CADPS2: variants seen among roughly 807,000 people sequenced by gnomAD.
CADPS2 encodes the protein calcium dependent secretion activator 2.
CADPS2 carries 93 observed loss-of-function variants against 172.5 expected under a neutral mutation model. That is an observed-to-expected ratio of 0.54 (90% CI 0.46 to 0.64). The LOEUF (loss-of-function observed/expected upper bound fraction) is 0.64, where lower values mean the gene tolerates loss of function less well. Ranked by LOEUF, CADPS2 falls within the 30% of genes least tolerant of loss-of-function variation. The pLI, the probability that CADPS2 is intolerant of heterozygous loss-of-function variation, is 0.00. For synonymous variants in CADPS2, 546 were observed against 555.2 expected, an observed-to-expected ratio of 0.98 and a Z score of 0.23; for missense variants, 1,420 against 1,565.9, an observed-to-expected ratio of 0.91 and a Z score of 1.57.
intron 1 of CADPS2, among the ~76,000 whole-genome samples, chr7:122,857,446 T>C (rs1435942672): frequency 6.6e-6 from 1 of 152,166 alleles, no homozygotes; most frequent in Non-Finnish European, 1.5e-5. Flanking sequence ...GATGGTAACT[T>C]GCTATACCAG....
At chr7:122,698,110 C>A in intron 2 of CADPS2, 1 of 1,613,910 alleles carries the variant, frequency 6.2e-7, no homozygotes, top group Non-Finnish European at 8.5e-7. Flanking sequence ...AGTCAGAATA[C>A]GAACTATGTC....
intron 2 of CADPS2, among the ~76,000 whole-genome samples, chr7:122,711,105 T>A (rs913063856): frequency 1.3e-5 from 2 of 152,088 alleles, no homozygotes; most frequent in Admixed American, 1.3e-4. Flanking sequence ...AGAATTACAT[T>A]GACAACAGTT....
In CADPS2 at chr7:122,388,723, T is replaced by A. The variant is rs747939154; in HGVS notation, c.3024A>T (p.Thr1008=). The A allele has an allele frequency of 6.2e-7, 1 of 1,607,532 alleles. No homozygotes were observed. The highest frequency in any genetic ancestry group is 8.5e-7 in the Non-Finnish European group (1 of 1,175,634). ...CAAGCTTCCAAAAAAGGTCTTCTGA[T>A]GTTGCTGAGCCATTGCTAGAAGAAA... ...SLYESTNGSA[T]SEDLFWKLDA... is the part of the protein sequence containing the mutation. Residue 1008 remains threonine, a synonymous_variant, in exon 23 of 30, where the codon ACA becomes ACT. Coordinates refer to ENST00000449022, the MANE Select transcript of CADPS2 (RefSeq NM_017954.11).
intron 3 of CADPS2, among the ~76,000 whole-genome samples, chr7:122,636,367 C>G (rs1269796668): frequency 1.3e-5 from 2 of 151,516 alleles, no homozygotes; most frequent in African/African-American, 4.9e-5. Context: ...CTTAGTTTGG[C>G]AGGATATGAA....
intron 6 of CADPS2, among the ~76,000 whole-genome samples, chr7:122,614,122 G>A (rs987370226): frequency 7.2e-5 from 11 of 152,078 alleles, no homozygotes; most frequent in East Asian, 5.8e-4. Flanking sequence ...ATAAGTGTAT[G>A]AGGGACTGCA....
At chr7:122,371,188 C>G (rs1261279343) in intron 25 of CADPS2, among the ~76,000 whole-genome samples, 2 of 152,110 alleles carry the variant, frequency 1.3e-5, no homozygotes, top group Non-Finnish European at 2.9e-5. Flanking sequence ...TATGAAGCAT[C>G]GGCAATAAAT....
At chr7:122,404,435 T>A (rs890226172) in intron 20 of CADPS2, among the ~76,000 whole-genome samples, 1 of 152,180 alleles carries the variant, frequency 6.6e-6, no homozygotes, top group African/African-American at 2.4e-5. Context: ...CTATTGTGAA[T>A]AGTGCCGCAA....
At chr7:122,819,793 T>G (rs1802602115) in intron 1 of CADPS2, among the ~76,000 whole-genome samples, 1 of 152,040 alleles carries the variant, frequency 6.6e-6, no homozygotes, top group Non-Finnish European at 1.5e-5. Context: ...ATCCTCCTCT[T>G]GTATCCCCCC....
intron 7 of CADPS2, among the ~76,000 whole-genome samples, chr7:122,567,208 A>G (rs2066584964): frequency 6.6e-6 from 1 of 152,130 alleles, no homozygotes; most frequent in Admixed American, 6.6e-5. Context: ...TTTATCTAGT[A>G]GCTTTTCTTC....
At position 122,861,265 on chromosome 7, in the gene CADPS2, GTTGTCTT is replaced by G. The variant is rs547939296; in HGVS notation, c.339+24727_339+24733del. Among the ~76,000 whole-genome samples, 19 of 152,196 alleles carry G rather than the reference GTTGTCTT, an allele frequency of 1.2e-4. No homozygotes were observed. The South Asian group carries it at 3.9e-3, about 32-fold the overall frequency. On this transcript the variant is annotated intron_variant, in intron 1 of 29. Transcript: ENST00000449022. ...TTTCCCCACATCTTTCCCAGCATTTGTTGTCTTTTGTCTATTTGATAATAGCCATTCT... is the reference window on the plus strand; with the variant it reads ...TTTCCCCACATCTTTCCCAGCATTTGTTGTCTATTTGATAATAGCCATTCT...
intron 14 of CADPS2, among the ~76,000 whole-genome samples, chr7:122,463,791 T>C (rs1425222792): frequency 6.6e-6 from 1 of 152,214 alleles, no homozygotes; most frequent in Non-Finnish European, 1.5e-5. Flanking sequence ...ATTCCAAAAC[T>C]GCTTTGCATG....
At chr7:122,332,550 G>A (rs543292525) in intron 28 of CADPS2, among the ~76,000 whole-genome samples, 2 of 152,226 alleles carry the variant, frequency 1.3e-5, no homozygotes, top group African/African-American at 4.8e-5. Context: ...AATGAAAAGT[G>A]TAAAAAGTGC....
chr7:122,697,839 A>T, intron 2 of CADPS2: 1 of 1,609,004 alleles, frequency 6.2e-7, no homozygotes, highest in South Asian at 1.1e-5. Context: ...GGATGTCATT[A>T]TTCTGAGAAG....
chr7:122,753,995 A>T (rs1194397422), intron 1 of CADPS2, among the ~76,000 whole-genome samples: 1 of 152,208 alleles, frequency 6.6e-6, no homozygotes, highest in Non-Finnish European at 1.5e-5. Flanking sequence ...ATTTTGGCTA[A>T]TAGGATGTGG....
At chr7:122,791,764 C>T (rs1795340416) in intron 1 of CADPS2, among the ~76,000 whole-genome samples, 1 of 151,862 alleles carries the variant, frequency 6.6e-6, no homozygotes, top group African/African-American at 2.4e-5. Context: ...AATGTTAGTT[C>T]AAAATTAAAG....
intron 17 of CADPS2, among the ~76,000 whole-genome samples, chr7:122,431,714 G>T (rs116819557): frequency 3.2e-3 from 481 of 152,206 alleles, no homozygotes; most frequent in African/African-American, 0.011. Flanking sequence ...ATTGTCTTAA[G>T]AAGTAAATTG....
intron 6 of CADPS2, among the ~76,000 whole-genome samples, chr7:122,588,717 T>G (rs2070204686): frequency 6.6e-6 from 1 of 151,934 alleles, no homozygotes; most frequent in African/African-American, 2.4e-5. Context: ...GTCTAAGGTC[T>G]TTCTGCTGTC....
chr7:122,753,646 A>T (rs2138475732), intron 1 of CADPS2, among the ~76,000 whole-genome samples: 1 of 152,336 alleles, frequency 6.6e-6, no homozygotes, highest in Non-Finnish European at 1.5e-5. Context: ...GTTATGATTG[A>T]AGAAAGTAAA....
chr7:122,805,742 C>T (rs1278593889), intron 1 of CADPS2, among the ~76,000 whole-genome samples: 4 of 152,108 alleles, frequency 2.6e-5, no homozygotes, highest in African/African-American at 7.2e-5. Flanking sequence ...GTAGTATACA[C>T]AAAGGCACCA....
Sources: allele counts gnomAD v4.1 joint callset (sites outside exome capture counted in the v4.1 genomes callset), GRCh38; gene constraint gnomAD v4.1.1; transcripts MANE v1.5; gene names NCBI Gene and HGNC (gene_info 2026-07-23, HGNC 2026-07-21).